CHD9: variants seen among roughly 807,000 people sequenced by gnomAD.
CHD9 encodes ATP-dependent chromatin remodeler CHD9.
CHD9 carries 77 observed loss-of-function variants against 316.1 expected under a neutral mutation model. The ratio of observed to expected loss-of-function variants is 0.24; its 90% CI spans 0.20 to 0.29. The LOEUF is 0.29. CHD9 is among the 10% of genes least tolerant of loss of function. CHD9 has a pLI of 1.00. For synonymous variants in CHD9, 1,129 were observed against 1,158.3 expected (o/e 0.97, Z 0.51); for missense variants, 2,763 against 3,438.1 (o/e 0.80, Z 4.91).
chr16:53,193,473 T>A (rs1220724312), intron 2 of CHD9, among the ~76,000 whole-genome samples: 3 of 150,758 alleles, frequency 2.0e-5, no homozygotes, highest in African/African-American at 7.3e-5. Flanking sequence ...AAAAATCTTT[T>A]AACCATCCAA....
At chr16:53,179,023 T>A (rs970769199) in intron 2 of CHD9, among the ~76,000 whole-genome samples, 1 of 149,738 alleles carries the variant, frequency 6.7e-6, no homozygotes, top group African/African-American at 2.4e-5. Context: ...ACCCTGTTTC[T>A]AAAAAAAAAA....
intron 1 of CHD9, among the ~76,000 whole-genome samples, chr16:53,089,861 C>T (rs2152550951): frequency 6.6e-6 from 1 of 152,360 alleles, no homozygotes; most frequent in African/African-American, 2.4e-5. Context: ...GGAACACCCT[C>T]ACATGACTGA....
intron 26 of CHD9, among the ~76,000 whole-genome samples, chr16:53,287,503 G>A (rs1232601733): frequency 6.6e-6 from 1 of 152,166 alleles, no homozygotes. Context: ...CAAGGCAGGT[G>A]GATCATTTGA....
At chr16:53,058,623 G>A (rs544371140) in intron 1 of CHD9, among the ~76,000 whole-genome samples, 5 of 152,160 alleles carry the variant, frequency 3.3e-5, no homozygotes, top group African/African-American at 9.7e-5. Context: ...GGGGCCAGGC[G>A]GCTCAGTGTC....
intron 24 of CHD9, among the ~76,000 whole-genome samples, chr16:53,274,783 G>A (rs1329964746): frequency 1.3e-5 from 2 of 151,960 alleles, no homozygotes; most frequent in African/African-American, 4.8e-5. Context: ...TCAATAACAT[G>A]ATGAGGCAAA....
At chr16:53,228,163 A>C (rs959845778) in intron 7 of CHD9, among the ~76,000 whole-genome samples, 2 of 152,154 alleles carry the variant, frequency 1.3e-5, no homozygotes, top group Admixed American at 1.3e-4. Flanking sequence ...TCTTTATAAA[A>C]TATGCTTTTA....
chr16:53,297,691 C>T lies in CHD9; in HGVS notation c.5713+533C>T, dbSNP rs372163665. Among the ~76,000 whole-genome samples the T allele has an allele frequency of 9.2e-4, 140 of 152,328 alleles. 2 individuals are homozygous for T. In the South Asian group the frequency reaches 0.027, roughly 30 times the overall value. On this transcript the variant is annotated intron_variant, in intron 30 of 38. Coordinates refer to ENST00000447540, the MANE Select transcript of CHD9 (RefSeq NM_001308319.2). ...GTCTTCAAAGCCCAGAGACATAGCT[C>T]ATCCTGTCAACAGTTCCTCTCAGTA...
chr16:53,236,137 A>T (rs1339583831), intron 11 of CHD9, among the ~76,000 whole-genome samples: 1 of 152,100 alleles, frequency 6.6e-6, no homozygotes, highest in Non-Finnish European at 1.5e-5. Flanking sequence ...TTCCCAAGAG[A>T]ACCATCTAGG....
intron 1 of CHD9, among the ~76,000 whole-genome samples, chr16:53,153,142 G>A (rs1681976545): frequency 6.6e-6 from 1 of 152,190 alleles, no homozygotes; most frequent in South Asian, 2.1e-4. Context: ...TCAGTTTGGT[G>A]AGATGATGGG....
chr16:53,200,538 T>G (rs1394160278), intron 2 of CHD9, among the ~76,000 whole-genome samples: 2 of 151,956 alleles, frequency 1.3e-5, no homozygotes, highest in Admixed American at 6.6e-5. Context: ...AATGAATAAA[T>G]TAAAAGGAAG....
chr16:53,146,084 G>A (rs2040548630), intron 1 of CHD9, among the ~76,000 whole-genome samples: 1 of 151,302 alleles, frequency 6.6e-6, no homozygotes, highest in South Asian at 2.1e-4. Flanking sequence ...GGTGGGTAAT[G>A]GGTATGGAGT....
rs1038366253 is a variant in CHD9 at position 53,202,352 on chromosome 16, C to G, written c.1453-7130C>G. ...AACATATAAACCAAATGCAATGCTCCACATGTTGCATTTTGTTGAGGTCTT... is the reference window on the plus strand; with the variant it reads ...AACATATAAACCAAATGCAATGCTCGACATGTTGCATTTTGTTGAGGTCTT... On this transcript the variant is annotated intron_variant, in intron 2 of 38. Transcript: ENST00000447540. Among the ~76,000 whole-genome samples the G allele has an allele frequency of 6.6e-5, 10 of 151,834 alleles. 1 individual carries two copies. Among genetic ancestry groups the G allele is most frequent in the Admixed American group, 2.0e-4 (3 of 15,262 alleles).
At chr16:53,146,647 A>T (rs2040648399) in intron 1 of CHD9, among the ~76,000 whole-genome samples, 1 of 149,338 alleles carries the variant, frequency 6.7e-6, no homozygotes, top group East Asian at 2.0e-4. Flanking sequence ...AAAAATACAA[A>T]AATTAGCCAG....
At chr16:53,320,741 T>C (rs1053345924) in intron 37 of CHD9, among the ~76,000 whole-genome samples, 1 of 152,168 alleles carries the variant, frequency 6.6e-6, no homozygotes, top group African/African-American at 2.4e-5. Flanking sequence ...TTTGTCTGTG[T>C]CATATTATTA....
At chr16:53,177,553 G>T (rs2043173564) in intron 2 of CHD9, among the ~76,000 whole-genome samples, 1 of 152,112 alleles carries the variant, frequency 6.6e-6, no homozygotes, top group African/African-American at 2.4e-5. Context: ...GGCCCAGATA[G>T]AGTCTACATA....
intron 1 of CHD9, among the ~76,000 whole-genome samples, chr16:53,112,938 G>GC (rs2037981478): frequency 6.6e-6 from 1 of 152,116 alleles, no homozygotes; most frequent in African/African-American, 2.4e-5. Context: ...GGAGGTCAAG[G>GC]CTGCAGTGAA....
intron 2 of CHD9, chr16:53,208,286 A>G (rs1482025208): frequency 7.9e-7 from 1 of 1,271,254 alleles, no homozygotes; most frequent in South Asian, 1.3e-5. Context: ...GTGGTGAAAA[A>G]GCAGAGGGCA....
chr16:53,301,249 A>G (rs1194393153), intron 30 of CHD9, among the ~76,000 whole-genome samples: 2 of 152,174 alleles, frequency 1.3e-5, no homozygotes, highest in African/African-American at 2.4e-5. Flanking sequence ...GCTAAGATCA[A>G]ATGTAAAGTA....
intron 1 of CHD9, among the ~76,000 whole-genome samples, chr16:53,074,583 G>A (rs929044029): frequency 2.0e-5 from 3 of 152,196 alleles, no homozygotes; most frequent in African/African-American, 7.2e-5. Flanking sequence ...GGGACTTGGT[G>A]CCCTGCATCC....
Sources: allele counts gnomAD v4.1 joint callset (sites outside exome capture counted in the v4.1 genomes callset), GRCh38; gene constraint gnomAD v4.1.1; transcripts MANE v1.5; gene names NCBI Gene and HGNC (gene_info 2026-07-23, HGNC 2026-07-21).